The following WDR44 variants were observed in gnomAD, a reference collection of about 807,000 sequenced individuals.
WDR44 encodes the protein WD repeat-containing protein 44.
In WDR44, 9 loss-of-function variants were observed where a neutral mutation model predicts 65.7. That is an observed-to-expected ratio of 0.14 (90% CI 0.08 to 0.24). The LOEUF is 0.24. WDR44 is among the 10% of genes least tolerant of loss of function. The pLI, the probability that WDR44 is intolerant of heterozygous loss-of-function variation, is 1.00. For synonymous variants in WDR44, 220 were observed against 235.2 expected, an observed-to-expected ratio of 0.94 and a Z score of 0.59; for missense variants, 425 against 670.9, an observed-to-expected ratio of 0.63 and a Z score of 4.05.
intron 2 of WDR44, among the ~76,000 whole-genome samples, chrX:118,382,383 C>T (rs745394133): frequency 8.9e-6 from 1 of 111,797 alleles, no homozygotes; most frequent in African/African-American, 3.2e-5. Context: ...AAGGGAACAG[C>T]ATTGAAAGGA....
At chrX:118,394,343 G>A (rs1329132057) in intron 5 of WDR44, among the ~76,000 whole-genome samples, 158 bp downstream of exon 5, 1 of 111,679 alleles carries the variant, frequency 9.0e-6, no homozygotes, top group Non-Finnish European at 1.9e-5. Context: ...CATGCTAACT[G>A]GGTGAGCCTA....
At chrX:118,378,709 C>T (rs1403707180) in intron 2 of WDR44, among the ~76,000 whole-genome samples, 8 of 94,453 alleles carry the variant, frequency 8.5e-5, no homozygotes, top group African/African-American at 3.0e-4. Context: ...AATAAAAGAA[C>T]GTGTGTGTGT....
rs1487194267 is a variant in WDR44 at position 118,387,379 on chromosome X, C to T, written c.151C>T (p.Pro51Ser). 1 of 1,198,289 alleles carries T rather than the reference C, an allele frequency of 8.3e-7. No homozygotes were observed. The highest frequency in any genetic ancestry group is 1.8e-5 in the African/African-American group (1 of 56,421). ...TGCATACAAAGTTGGAAATGAGTCCCCTGTACAAGAATTGAAACAAGATGT... is the reference window on the plus strand; with the variant it reads ...TGCATACAAAGTTGGAAATGAGTCCTCTGTACAAGAATTGAAACAAGATGT... ...NTAYKVGNESPVQELKQDVSK... is the reference protein window; with the variant it reads ...NTAYKVGNESSVQELKQDVSK... Residue 51 changes from proline to serine, a missense_variant, in exon 3 of 20, where the codon CCT becomes TCT. Pro to Ser is a moderately conservative substitution (Grantham distance 74, BLOSUM62 -1). This residue lies in a region of WDR44 where 193 missense variants were observed against 209.0 expected (regional missense o/e 0.92). Coordinates refer to ENST00000254029, the MANE Select transcript of WDR44 (RefSeq NM_019045.5).
At chrX:118,357,531 C>T (rs1030596547) in intron 1 of WDR44, among the ~76,000 whole-genome samples, 6 of 111,245 alleles carry the variant, frequency 5.4e-5, no homozygotes, top group Non-Finnish European at 9.4e-5. Flanking sequence ...GGGGGGCTCA[C>T]GACAGGTGCT....
chrX:118,393,387 C>T (rs1011108561), intron 4 of WDR44, 116 bp downstream of exon 4: 7 of 819,659 alleles, frequency 8.5e-6, no homozygotes. Context: ...CAAGACCAGC[C>T]TGGGCAACAT....
At chrX:118,359,421 GC>G (rs1222628799) in intron 1 of WDR44, among the ~76,000 whole-genome samples, 2 of 111,983 alleles carry the variant, frequency 1.8e-5, no homozygotes, top group Non-Finnish European at 3.8e-5. Flanking sequence ...CCTTGAGTAG[GC>G]CCAGGAAAGT....
Position 118,442,545 on chromosome X carries a change from T to G in WDR44, c.2269-20T>G. 8.4e-7 allele frequency: 1 copy of G among 1,184,236 alleles called. No homozygotes were observed. Among genetic ancestry groups the G allele is most frequent in the Non-Finnish European group, 1.1e-6 (1 of 872,196 alleles). On this transcript the variant is annotated intron_variant, in intron 16 of 19. Coordinates refer to ENST00000254029, the MANE Select transcript of WDR44 (RefSeq NM_019045.5). Reference sequence around the variant, plus strand: ...TACTAAAAGATGATATTTTTAACTTTTCATTTGATCTACTTTTAGATATTG... The same window carrying G: ...TACTAAAAGATGATATTTTTAACTTGTCATTTGATCTACTTTTAGATATTG...
At chrX:118,407,099 A>C (rs760787741) in intron 10 of WDR44, 73 bp downstream of exon 10, 67 of 1,035,049 alleles carry the variant, frequency 6.5e-5, no homozygotes, top group Non-Finnish European at 8.7e-5. Flanking sequence ...CTACAAAACT[A>C]TCTCTTTCTA....
At chrX:118,441,105 G>A (rs2057302729) in intron 14 of WDR44, among the ~76,000 whole-genome samples, 2 of 107,742 alleles carry the variant, frequency 1.9e-5, no homozygotes, top group Non-Finnish European at 3.8e-5. Flanking sequence ...GACTACAGCC[G>A]CGCACCACCA....
rs765939676 is a variant in WDR44, at chrX:118,354,839, C to T, written c.77+8259C>T. 3.0e-3 allele frequency among the ~76,000 whole-genome samples: 341 copies of T among 111,874 alleles called. 1 individual carries two copies. Among genetic ancestry groups the T allele is most frequent in the African/African-American group, 0.01 (322 of 30,833 alleles). On this transcript the variant is annotated intron_variant, in intron 1 of 19. Coordinates refer to ENST00000254029, the MANE Select transcript of WDR44 (RefSeq NM_019045.5). Reference sequence around the variant, plus strand: ...ATTGAACCATGGGCATTCTTATGAACCACAGATCAAACTTTCTAGAGAACC... The same window carrying T: ...ATTGAACCATGGGCATTCTTATGAATCACAGATCAAACTTTCTAGAGAACC...
intron 8 of WDR44, among the ~76,000 whole-genome samples, chrX:118,403,051 A>C (rs2056933819): frequency 8.9e-6 from 1 of 112,022 alleles, no homozygotes; most frequent in South Asian, 3.7e-4. Context: ...AGTGGGTATC[A>C]TCTATAGCGT....
chrX:118,378,461 T>C lies in WDR44; in HGVS notation c.111+9T>C. 1.7e-6 allele frequency: 2 copies of C among 1,201,341 alleles called. No individual in the cohort carries two copies. Among genetic ancestry groups the C allele is most frequent in the South Asian group, 3.6e-5 (2 of 55,641 alleles). On this transcript the variant is annotated intron_variant, in intron 2 of 19. Coordinates refer to ENST00000254029, the MANE Select transcript of WDR44 (RefSeq NM_019045.5). ...GGCTTTCAACATTCAAGGTAAGTTG[T>C]GCTTTCTGAAAGTTATGTTTTTAGA...
intron 12 of WDR44, among the ~76,000 whole-genome samples, chrX:118,413,953 T>C (rs745462295): frequency 3.6e-5 from 4 of 111,390 alleles, no homozygotes; most frequent in African/African-American, 9.8e-5. Flanking sequence ...TTCCCCACTT[T>C]TTATGTTTTT....
At chrX:118,444,229 A>G in intron 18 of WDR44, 131 bp from the exon 19 acceptor site, 2 of 729,422 alleles carry the variant, frequency 2.7e-6, no homozygotes, top group Non-Finnish European at 3.8e-6. Context: ...TTTTAGAAAA[A>G]TTTTTGGGTT....
At chrX:118,422,691 CAA>C (rs771303784) in intron 12 of WDR44, among the ~76,000 whole-genome samples, 3 of 71,720 alleles carry the variant, frequency 4.2e-5, no homozygotes, top group African/African-American at 5.2e-5. Flanking sequence ...AACTCCGTCT[CAA>C]AAAAAAAAAA....
At chrX:118,382,247 T>G (rs2056725375) in intron 2 of WDR44, among the ~76,000 whole-genome samples, 1 of 111,488 alleles carries the variant, frequency 9.0e-6, no homozygotes, top group Admixed American at 9.7e-5. Context: ...TTTGTTTGTT[T>G]GTTTGTTTTT....
intron 12 of WDR44, among the ~76,000 whole-genome samples, chrX:118,431,108 T>C (rs1386678227): frequency 9.0e-6 from 1 of 111,421 alleles, no homozygotes; most frequent in Non-Finnish European, 1.9e-5. Context: ...TCATTATTCT[T>C]ACTTAAACTT....
intron 12 of WDR44, among the ~76,000 whole-genome samples, chrX:118,429,144 C>T (rs2057184761): frequency 9.0e-6 from 1 of 110,685 alleles, no homozygotes; most frequent in Non-Finnish European, 1.9e-5. Flanking sequence ...AGCAAACCAC[C>T]CTGGCACACG....
intron 17 of WDR44, among the ~76,000 whole-genome samples, chrX:118,442,927 C>T (rs1182994328): frequency 9.0e-6 from 1 of 111,377 alleles, no homozygotes; most frequent in African/African-American, 3.3e-5. Flanking sequence ...GTTGTAGAGC[C>T]AAGATTATGA....
Sources: allele counts gnomAD v4.1 joint callset (sites outside exome capture counted in the v4.1 genomes callset), GRCh38; gene constraint gnomAD v4.1.1; regional missense constraint gnomAD v4.1.1; transcripts MANE v1.5; gene names NCBI Gene and HGNC (gene_info 2026-07-23, HGNC 2026-07-21).